CTNNAL1: variants seen among roughly 807,000 people sequenced by gnomAD.
CTNNAL1 encodes the protein catenin alpha like 1.
In CTNNAL1, 69 loss-of-function variants were observed where a neutral mutation model predicts 93.6. The observed-to-expected ratio is 0.74, with a 90% CI of 0.61 to 0.90. The LOEUF is 0.90. Ranked by LOEUF, CTNNAL1 falls within the 40% of genes least tolerant of loss-of-function variation. CTNNAL1 has a pLI of 0.00. For synonymous variants in CTNNAL1, 286 were observed against 305.4 expected, an observed-to-expected ratio of 0.94 and a Z score of 0.66; for missense variants, 836 against 862.0, an observed-to-expected ratio of 0.97 and a Z score of 0.38.
intron 1 of CTNNAL1, among the ~76,000 whole-genome samples, chr9:109,000,307 C>T (rs1482919198): frequency 1.3e-5 from 2 of 152,152 alleles, no homozygotes; most frequent in Admixed American, 1.3e-4. Flanking sequence ...AATCCCACCA[C>T]CATTAGGTTT....
Position 108,983,195 on chromosome 9 carries a change from C to T in CTNNAL1, c.850G>A (p.Glu284Lys). 6.3e-6 allele frequency: 10 copies of T among 1,581,224 alleles called. No individual in the cohort carries two copies. Among genetic ancestry groups the T allele is most frequent in the Non-Finnish European group, 6.9e-6 (8 of 1,163,294 alleles). Reference sequence around the variant, plus strand: ...ATACTGATAGATGAAATGTCAGTCTCTCCATTCGGTTTACAGTCAGTCACA... The same window carrying T: ...ATACTGATAGATGAAATGTCAGTCTTTCCATTCGGTTTACAGTCAGTCACA... Reference protein sequence around the residue: ...EIVTDCKPNGETDISSISIFT... With the variant: ...EIVTDCKPNGKTDISSISIFT... The change falls in exon 6 of 19, where the codon GAG (glutamate) becomes AAG (lysine). Residue 284 changes from glutamate to lysine, a missense_variant. Coordinates refer to ENST00000325551, the MANE Select transcript of CTNNAL1 (RefSeq NM_003798.4).
intron 8 of CTNNAL1, among the ~76,000 whole-genome samples, chr9:108,974,224 G>A (rs1052146203): frequency 9.9e-5 from 15 of 152,132 alleles, no homozygotes; most frequent in Non-Finnish European, 2.1e-4. Context: ...CCATATAAGA[G>A]GTAATGAAAA....
chr9:108,983,163 A>G lies in CTNNAL1; in HGVS notation c.882T>C (p.Thr294=). 1 of 1,542,066 alleles carries G rather than the reference A, an allele frequency of 6.5e-7. No homozygotes were observed. Among genetic ancestry groups the G allele is most frequent in the East Asian group, 2.4e-5 (1 of 41,474 alleles). ...ETDISSISIF[T]GIKEFKMNIE... ...TTCTTACCTTGAATTCCTTAATTCC[A>G]GTAAAAATACTGATAGATGAAATGT... is the stretch of plus-strand genomic sequence containing the variant. Residue 294 remains threonine, a synonymous_variant, in exon 6 of 19, where the codon ACT becomes ACC. Transcript: ENST00000325551.
chr9:108,958,956 A>G (rs1830754810), intron 11 of CTNNAL1, among the ~76,000 whole-genome samples: 1 of 151,628 alleles, frequency 6.6e-6, no homozygotes, highest in African/African-American at 2.4e-5. Flanking sequence ...TAAGCAGAAA[A>G]AAAAAAAAAA....
intron 18 of CTNNAL1, 48 bp from the exon 19 acceptor site, chr9:108,942,882 A>T (rs1228628835): frequency 4.7e-5 from 75 of 1,611,316 alleles, no homozygotes; most frequent in Non-Finnish European, 6.1e-5. Flanking sequence ...CTGAAAAAAA[A>T]ATTACAAAAT....
In CTNNAL1 at chr9:109,013,389, G is replaced by A. The variant is rs755119774; in HGVS notation, c.54C>T (p.Gly18=). 34 of 1,503,470 alleles carry A rather than the reference G, an allele frequency of 2.3e-5. No individual in the cohort carries two copies. Among genetic ancestry groups the A allele is most frequent in the Non-Finnish European group, 7.1e-6 (8 of 1,125,764 alleles). 93.1% of individuals were successfully genotyped at this position (1,503,470 alleles called of 1,614,324 possible). Residue 18 remains glycine, a synonymous_variant, in exon 1 of 19, where the codon GGC becomes GGT. Coordinates refer to ENST00000325551, the MANE Select transcript of CTNNAL1 (RefSeq NM_003798.4). Reference sequence around the variant, plus strand: ...CGAGGGCGAAGCCCGAAGAGCCGGAGCCGTAGACTGCTCCGGCGCCGCCAA... The same window carrying A: ...CGAGGGCGAAGCCCGAAGAGCCGGAACCGTAGACTGCTCCGGCGCCGCCAA... ...AGVGGAGAVY[G]SGSSGFALDS...
In CTNNAL1 at chr9:108,979,498, C is replaced by T; in HGVS notation, c.901-17G>A. On this transcript the variant is annotated splice_polypyrimidine_tract_variant and intron_variant, in intron 6 of 18. Coordinates refer to ENST00000325551, the MANE Select transcript of CTNNAL1 (RefSeq NM_003798.4). The stretch of plus-strand genomic sequence containing the variant: ...AATATTCATCTGAGAACAAAAAGGA[C>T]ATCTATCCATCCATGTGAGTCAATA... 6.2e-7 allele frequency: 1 copy of T among 1,611,646 alleles called. No homozygotes were observed. The highest frequency in any genetic ancestry group is 8.5e-7 in the Non-Finnish European group (1 of 1,178,702).
chr9:108,961,609 C>G (rs1447206053), intron 11 of CTNNAL1, among the ~76,000 whole-genome samples: 1 of 151,954 alleles, frequency 6.6e-6, no homozygotes, highest in African/African-American at 2.4e-5. Context: ...TTAACTGAAC[C>G]TAAAGAAGAG....
At chr9:108,972,864 G>GGGCCCCCCCCCCCCC in intron 8 of CTNNAL1, 31 bp from the exon 9 acceptor site, 15 of 142,518 alleles carry the variant, frequency 1.1e-4, no homozygotes, top group East Asian at 2.2e-4. Context: ...GGGGGGGTGG[G>GGGCCCCCCCCCCCCC]AGGGTGGAGA....
At chr9:108,979,564 C>A in intron 6 of CTNNAL1, 83 bp from the exon 7 acceptor site, 1 of 1,270,878 alleles carries the variant, frequency 7.9e-7, no homozygotes, top group South Asian at 1.3e-5. Flanking sequence ...CTAACAGTGC[C>A]CAGGAAAACA....
At chr9:108,975,661 C>T (rs1475553189) in intron 8 of CTNNAL1, among the ~76,000 whole-genome samples, 1 of 152,122 alleles carries the variant, frequency 6.6e-6, no homozygotes, top group Non-Finnish European at 1.5e-5. Context: ...GATTAACATT[C>T]TAATTTTCAA....
At position 108,969,269 on chromosome 9, in the gene CTNNAL1, CA is replaced by C. The variant is rs112028531; in HGVS notation, c.1440+1132del. ...TGGGCGACAGAGCTAGACTCCGTCT[CA>C]AAAAAAAAAAAAGGAGGAAGCTCTG... On this transcript the variant is annotated intron_variant, in intron 10 of 18. Transcript: ENST00000325551. 4.0e-3 allele frequency among the ~76,000 whole-genome samples: 519 copies of C among 129,842 alleles called. 10 individuals are homozygous for C. In the South Asian group the frequency reaches 0.046, roughly 11 times the overall value. The allele number at this position is 129,842 out of a possible 152,430, so 85.2% of individuals were successfully genotyped here.
chr9:108,972,864 G>GGCCCCCCCCCCCCCC, intron 8 of CTNNAL1, 31 bp from the exon 9 acceptor site: 1 of 142,570 alleles, frequency 7.0e-6, no homozygotes, highest in Non-Finnish European at 1.0e-5. Context: ...GGGGGGGTGG[G>GGCCCCCCCCCCCCCC]AGGGTGGAGA....
chr9:108,970,801 T>C (rs1332982058), intron 9 of CTNNAL1, among the ~76,000 whole-genome samples: 2 of 151,914 alleles, frequency 1.3e-5, no homozygotes, highest in African/African-American at 2.4e-5. Flanking sequence ...ACATATTTTA[T>C]ATATAAAGAA....
intron 15 of CTNNAL1, among the ~76,000 whole-genome samples, 178 bp from the exon 16 acceptor site, chr9:108,944,196 C>T (rs538055009): frequency 6.6e-6 from 1 of 152,326 alleles, no homozygotes; most frequent in Admixed American, 6.5e-5. Context: ...TAACTGTTTT[C>T]AGAAGGAGTT....
At chr9:108,964,383 TA>T (rs1211229086) in intron 11 of CTNNAL1, among the ~76,000 whole-genome samples, 2 of 152,036 alleles carry the variant, frequency 1.3e-5, no homozygotes, top group African/African-American at 2.4e-5. Context: ...ACATTTTATT[TA>T]AAAAAATAAG....
rs188202256 is a variant in CTNNAL1, at chr9:109,008,342, A to G, written c.141+4960T>C. Among the ~76,000 whole-genome samples the G allele has an allele frequency of 6.2e-4, 94 of 151,838 alleles. 1 individual carries two copies. Among genetic ancestry groups the G allele is most frequent in the African/African-American group, 2.2e-3 (92 of 41,402 alleles). ...CAGCTAACTTTTGTATTTTTAGTAG[A>G]GACGGGGTTGGTCAGGCAGGTCTCA... On this transcript the variant is annotated intron_variant, in intron 1 of 18. Transcript: ENST00000325551.
Position 108,983,127 on chromosome 9 carries a change from T to C in CTNNAL1, c.900+18A>G, listed in dbSNP as rs1004426240. 1 of 1,407,310 alleles carries C rather than the reference T, an allele frequency of 7.1e-7. No homozygotes were observed. The highest frequency in any genetic ancestry group is 1.9e-5 in the South Asian group (1 of 53,764). 87.2% of individuals were successfully genotyped at this position (1,407,310 alleles called of 1,614,324 possible). A position where few individuals can be genotyped will look rare whatever the true frequency, so the allele number is the denominator to read the frequency against. ...AAATAAGAAGAGAAAAATAAAAATA[T>C]ACTCTCTTTATTCTTACCTTGAATT... On this transcript the variant is annotated intron_variant, in intron 6 of 18. Transcript: ENST00000325551.
intron 10 of CTNNAL1, among the ~76,000 whole-genome samples, chr9:108,967,331 C>A (rs536958692): frequency 2.7e-4 from 41 of 152,044 alleles, no homozygotes; most frequent in African/African-American, 8.7e-4. Context: ...ATAGAGATGC[C>A]CATTACTAAC....
Sources: allele counts gnomAD v4.1 joint callset (sites outside exome capture counted in the v4.1 genomes callset), GRCh38; gene constraint gnomAD v4.1.1; transcripts MANE v1.5; gene names NCBI Gene and HGNC (gene_info 2026-07-23, HGNC 2026-07-21).